CFAP69: variants seen among roughly 807,000 people sequenced by gnomAD.
The protein encoded by CFAP69 is cilia and flagella associated protein 69.
In CFAP69, 92 loss-of-function variants were observed where a neutral mutation model predicts 123.0. The observed-to-expected ratio is 0.75, with a 90% CI of 0.63 to 0.89. The LOEUF (loss-of-function observed/expected upper bound fraction) is 0.89, where lower values mean the gene tolerates loss of function less well. Among genes scored for constraint, CFAP69 ranks in the 40% least tolerant of loss-of-function variants. The pLI, the probability that CFAP69 is intolerant of heterozygous loss-of-function variation, is 0.00. For missense variants in CFAP69, 1,067 were observed against 1,096.9 expected (o/e 0.97, Z 0.39); for synonymous variants, 380 against 364.3 (o/e 1.04, Z -0.49).
intron 8 of CFAP69, among the ~76,000 whole-genome samples, chr7:90,273,767 G>C (rs1278349981): frequency 6.6e-6 from 1 of 152,076 alleles, no homozygotes; most frequent in African/African-American, 2.4e-5. Context: ...GCATACTGCT[G>C]ATCTCTTGTA....
chr7:90,272,469 A>G (rs979607565), intron 8 of CFAP69, among the ~76,000 whole-genome samples: 10 of 152,302 alleles, frequency 6.6e-5, no homozygotes, highest in African/African-American at 2.4e-4. Context: ...ACAAGTAAAT[A>G]GACAACTAAA....
intron 3 of CFAP69, 80 bp from the exon 4 acceptor site, chr7:90,261,867 T>C: frequency 1.4e-6 from 1 of 719,984 alleles, no homozygotes; most frequent in Non-Finnish European, 2.1e-6. Flanking sequence ...TTCTATAGAC[T>C]TTCTTCACAG....
chr7:90,312,911 T>G (rs1378253878), downstream of CFAP69: 5 of 152,210 alleles, frequency 3.3e-5, no homozygotes, highest in Non-Finnish European at 7.3e-5. Flanking sequence ...AAAAGTAGCT[T>G]CAACAATCTC....
At chr7:90,283,231 C>G (rs912973071) in intron 13 of CFAP69, among the ~76,000 whole-genome samples, 175 bp downstream of exon 13, 1 of 152,110 alleles carries the variant, frequency 6.6e-6, no homozygotes, top group Non-Finnish European at 1.5e-5. Flanking sequence ...ATTGAAATAT[C>G]ATACTTACTA....
At chr7:90,252,332 G>A (rs1392307443) in intron 1 of CFAP69, among the ~76,000 whole-genome samples, 2 of 152,010 alleles carry the variant, frequency 1.3e-5, no homozygotes, top group Non-Finnish European at 2.9e-5. Context: ...ATAAGACCAG[G>A]TATAGATTAG....
Position 90,286,538 on chromosome 7 carries a change from G to GT in CFAP69, c.1656+140dup. ...AATAATTAGAGCATAATTATATAAA[G>GT]TAAAAGGTACAGAATATACAACAGT... is the stretch of plus-strand genomic sequence containing the variant. On this transcript the variant is annotated intron_variant, in intron 14 of 22. Transcript: ENST00000389297. 10 of 850,628 alleles carry GT rather than the reference G, an allele frequency of 1.2e-5. No homozygotes were observed. In the South Asian group the frequency reaches 1.5e-4, roughly 13 times the overall value. The allele number at this position is 850,628 out of a possible 1,614,324, so 52.7% of individuals were successfully genotyped here.
intron 1 of CFAP69, among the ~76,000 whole-genome samples, chr7:90,247,834 C>G (rs1369865331): frequency 6.6e-6 from 1 of 151,894 alleles, no homozygotes; most frequent in East Asian, 1.9e-4. Flanking sequence ...ACAGAGTGAG[C>G]CTCCGTCTCA....
chr7:90,263,701 T>C (rs1233446872), intron 4 of CFAP69, among the ~76,000 whole-genome samples: 2 of 152,152 alleles, frequency 1.3e-5, no homozygotes, highest in African/African-American at 4.8e-5. Flanking sequence ...TCTTCAGATA[T>C]CTTTAAATTC....
Position 90,255,485 on chromosome 7 carries a change from G to A in CFAP69, c.180+3G>A, listed in dbSNP as rs1797540188. On this transcript the variant is annotated splice_donor_region_variant and intron_variant, in intron 2 of 22. Coordinates refer to ENST00000389297, the MANE Select transcript of CFAP69 (RefSeq NM_001039706.3). ...AACTCCTCGAAGAGACTGATAAAGT[G>A]AGTAAGCTTTGAGAGAAAATTACTC... 6.2e-7 allele frequency: 1 copy of A among 1,610,396 alleles called. No individual in the cohort carries two copies. Among genetic ancestry groups the A allele is most frequent in the Non-Finnish European group, 8.5e-7 (1 of 1,177,478 alleles).
At position 90,261,211 on chromosome 7, in the gene CFAP69, C is replaced by G. The variant is rs188712938; in HGVS notation, c.247-736C>G. Among the ~76,000 whole-genome samples, 1,220 of 152,130 alleles carry G rather than the reference C, an allele frequency of 8.0e-3. 13 individuals carry two copies. Among genetic ancestry groups the G allele is most frequent in the African/African-American group, 0.028 (1,144 of 41,488 alleles). On this transcript the variant is annotated intron_variant, in intron 3 of 22. Transcript: ENST00000389297. ...TCTCCTGCCTCAGCCTCCTGAATAG[C>G]TGGGATTACAGGCACCACCACGCCC...
intron 17 of CFAP69, chr7:90,303,758 A>T (rs1305545166): frequency 8.8e-7 from 1 of 1,133,916 alleles, no homozygotes; most frequent in Non-Finnish European, 1.1e-6. Context: ...CATAAACAAT[A>T]AAAATGAAGG....
At chr7:90,249,667 C>G (rs1357093882) in intron 1 of CFAP69, among the ~76,000 whole-genome samples, 1 of 152,110 alleles carries the variant, frequency 6.6e-6, no homozygotes, top group African/African-American at 2.4e-5. Context: ...TCCCCTCATT[C>G]TAAAGTATCC....
chr7:90,300,085 GA>G, intron 17 of CFAP69, 26 bp downstream of exon 17: 5 of 1,482,850 alleles, frequency 3.4e-6, no homozygotes, highest in Non-Finnish European at 4.5e-6. Flanking sequence ...ATTGTTAGTA[GA>G]AGCAATTAAT....
chr7:90,277,301 T>G lies in CFAP69; in HGVS notation c.1122T>G (p.Ile374Met), dbSNP rs760228075. 8.8e-6 allele frequency: 14 copies of G among 1,582,802 alleles called. No homozygotes were observed. In the Middle Eastern group the frequency reaches 1.0e-3, roughly 115 times the overall value. Residue 374 changes from isoleucine (I) to methionine (M), a missense_variant, in exon 11 of 23, where the codon ATT becomes ATG. Physicochemically the swap from Ile to Met is conservative, Grantham distance 10. Coordinates refer to ENST00000389297, the MANE Select transcript of CFAP69 (RefSeq NM_001039706.3). The stretch of plus-strand genomic sequence containing the variant: ...TGAAGAAATTACTATTCAACGTAAT[T>G]GTGATCTTATGTAAAGATTTACCTA... ...FELKKLLFNV[I>M]VILCKDLPTV...
chr7:90,280,921 T>G (rs1005753586), intron 12 of CFAP69, among the ~76,000 whole-genome samples: 1 of 152,264 alleles, frequency 6.6e-6, no homozygotes, highest in African/African-American at 2.4e-5. Flanking sequence ...GCTGAGCTAC[T>G]AAATTTAGTC....
chr7:90,287,361 T>C (rs1342841690), intron 14 of CFAP69: 8 of 238,260 alleles, frequency 3.4e-5, no homozygotes, highest in Non-Finnish European at 5.4e-5. Flanking sequence ...TATCATAAAG[T>C]AGGTGTATCT....
chr7:90,276,047 A>G (rs1241200937), intron 9 of CFAP69: 2 of 152,216 alleles, frequency 1.3e-5, no homozygotes, highest in African/African-American at 2.4e-5. Context: ...GCTACTACTC[A>G]TCTGTACCAG....
chr7:90,295,267 C>G (rs1234216269), intron 15 of CFAP69, among the ~76,000 whole-genome samples: 1 of 152,206 alleles, frequency 6.6e-6, no homozygotes, highest in Non-Finnish European at 1.5e-5. Context: ...AGAAGGGATT[C>G]TAACCCTCCT....
At chr7:90,306,422 C>G (rs980674765) in intron 19 of CFAP69, among the ~76,000 whole-genome samples, 1 of 152,132 alleles carries the variant, frequency 6.6e-6, no homozygotes, top group Non-Finnish European at 1.5e-5. Context: ...TATAATTTGC[C>G]TTAGCTAGAA....
Sources: allele counts gnomAD v4.1 joint callset (sites outside exome capture counted in the v4.1 genomes callset), GRCh38; gene constraint gnomAD v4.1.1; transcripts MANE v1.5; gene names NCBI Gene and HGNC (gene_info 2026-07-23, HGNC 2026-07-21).